RBFOX3: variants seen among roughly 807,000 people sequenced by gnomAD.
The protein encoded by RBFOX3 is RNA binding protein fox-1 homolog 3.
In RBFOX3, 17 loss-of-function variants were observed where a neutral mutation model predicts 48.7. That is an observed-to-expected ratio of 0.35 (90% confidence interval 0.24 to 0.52). RBFOX3 has a LOEUF of 0.52. Among genes scored for constraint, RBFOX3 ranks in the 20% least tolerant of loss-of-function variants. RBFOX3 has a pLI of 0.94. For synonymous variants in RBFOX3, 212 were observed against 209.5 expected, an observed-to-expected ratio of 1.01 and a Z score of -0.10; for missense variants, 382 against 497.5, an observed-to-expected ratio of 0.77 and a Z score of 2.21.
chr17:79,412,335 A>T (rs2064520424), intron 2 of RBFOX3, among the ~76,000 whole-genome samples: 1 of 151,508 alleles, frequency 6.6e-6, no homozygotes, highest in African/African-American at 2.4e-5. Context: ...TGTGGTGTGT[A>T]TGCACATGTT....
the RBFOX3 span, among the ~76,000 whole-genome samples, chr17:79,637,797 G>A: frequency 3.6e-3 from 19 of 5,208 alleles, no homozygotes; most frequent in Non-Finnish European, 0.022. Flanking sequence ...GGAAGAGAAG[G>A]GAAGGGAAGG....
intron 1 of RBFOX3, among the ~76,000 whole-genome samples, chr17:79,497,473 G>A (rs1048801318): frequency 1.3e-5 from 2 of 152,168 alleles, no homozygotes; most frequent in African/African-American, 4.8e-5. Flanking sequence ...TCAATGTAAT[G>A]ATAAGGAAAG....
intron 4 of RBFOX3, among the ~76,000 whole-genome samples, chr17:79,193,264 T>G (rs1225375421): frequency 6.6e-6 from 1 of 152,020 alleles, no homozygotes; most frequent in Non-Finnish European, 1.5e-5. Context: ...GGCTTGTAAA[T>G]TACCTCCCAG....
intron 2 of RBFOX3, among the ~76,000 whole-genome samples, chr17:79,465,972 C>T (rs139342401): frequency 2.0e-5 from 3 of 152,234 alleles, no homozygotes; most frequent in African/African-American, 7.2e-5. Flanking sequence ...GGCATCCCCA[C>T]GGCCCCCAGG....
chr17:79,519,778 C>T (rs1343464059), intron 1 of RBFOX3, among the ~76,000 whole-genome samples: 2 of 152,124 alleles, frequency 1.3e-5, no homozygotes, highest in Non-Finnish European at 2.9e-5. Flanking sequence ...ATGACTGAGA[C>T]CCAGTAAAAC....
intron 1 of RBFOX3, among the ~76,000 whole-genome samples, chr17:79,586,575 G>A (rs1261265534): frequency 2.0e-5 from 3 of 152,250 alleles, no homozygotes; most frequent in Non-Finnish European, 2.9e-5. Flanking sequence ...CCGCTTCCCA[G>A]GATTAGCTAG....
chr17:79,275,420 G>A (rs1287054200), intron 3 of RBFOX3, among the ~76,000 whole-genome samples: 3 of 152,104 alleles, frequency 2.0e-5, no homozygotes, highest in Admixed American at 6.5e-5. Flanking sequence ...GAGCACTCAC[G>A]TGATCATGAT....
intron 4 of RBFOX3, among the ~76,000 whole-genome samples, chr17:79,176,974 G>A (rs1421465969): frequency 6.6e-6 from 1 of 152,280 alleles, no homozygotes; most frequent in African/African-American, 2.4e-5. Flanking sequence ...TCTCCTTCAC[G>A]GAGGTCCCAG....
At chr17:79,406,384 G>A (rs1039424727) in intron 2 of RBFOX3, among the ~76,000 whole-genome samples, 35 of 152,088 alleles carry the variant, frequency 2.3e-4, no homozygotes, top group African/African-American at 7.7e-4. Context: ...CAGTCTCCAC[G>A]TCTCAGGACT....
At chr17:79,159,479 C>T (rs1047662357) in intron 4 of RBFOX3, among the ~76,000 whole-genome samples, 1 of 152,194 alleles carries the variant, frequency 6.6e-6, no homozygotes, top group African/African-American at 2.4e-5. Flanking sequence ...GGCTGGACTC[C>T]ACACGCATCT....
chr17:79,483,014 C>G (rs980986013), intron 1 of RBFOX3, among the ~76,000 whole-genome samples: 1 of 151,934 alleles, frequency 6.6e-6, no homozygotes, highest in East Asian at 1.9e-4. Context: ...CACCACTGTC[C>G]GCACTCTCCC....
chr17:79,497,448 G>GA (rs35876865), intron 1 of RBFOX3, among the ~76,000 whole-genome samples: 2 of 152,016 alleles, frequency 1.3e-5, no homozygotes, highest in Non-Finnish European at 2.9e-5. Flanking sequence ...ATACGTTTGG[G>GA]AAAAAAAGCA....
intron 2 of RBFOX3, among the ~76,000 whole-genome samples, chr17:79,447,615 C>T (rs2072600855): frequency 6.6e-6 from 1 of 152,190 alleles, no homozygotes; most frequent in Admixed American, 6.5e-5. Flanking sequence ...AAGACTGTGC[C>T]CAAGCCTGGG....
chr17:79,247,467 A>G (rs1600210748), intron 3 of RBFOX3, among the ~76,000 whole-genome samples: 1 of 152,010 alleles, frequency 6.6e-6, no homozygotes, highest in African/African-American at 2.4e-5. Flanking sequence ...TGTGCACACC[A>G]AGCCTGGGTA....
At chr17:79,504,574 A>C (rs1211471743) in intron 1 of RBFOX3, among the ~76,000 whole-genome samples, 1 of 152,182 alleles carries the variant, frequency 6.6e-6, no homozygotes, top group African/African-American at 2.4e-5. Flanking sequence ...CTGGGGCTGC[A>C]GCAACTCTCT....
intron 4 of RBFOX3, among the ~76,000 whole-genome samples, chr17:79,173,397 T>G (rs1328681556): frequency 2.0e-5 from 3 of 152,194 alleles, no homozygotes; most frequent in African/African-American, 7.2e-5. Flanking sequence ...GCTAAAGGCA[T>G]TAACACTGGA....
chr17:79,272,108 G>A (rs1399256688), intron 3 of RBFOX3, among the ~76,000 whole-genome samples: 1 of 152,228 alleles, frequency 6.6e-6, no homozygotes. Context: ...GCGAGGGGGA[G>A]GGTGGTTAAC....
At chr17:79,121,435 G>A (rs1784787830) in intron 4 of RBFOX3, among the ~76,000 whole-genome samples, 1 of 152,084 alleles carries the variant, frequency 6.6e-6, no homozygotes, top group Non-Finnish European at 1.5e-5. Context: ...TCCCAAATGA[G>A]TTGTCTATAC....
At chr17:79,232,780 G>C (rs1699136056) in intron 4 of RBFOX3, among the ~76,000 whole-genome samples, 1 of 152,122 alleles carries the variant, frequency 6.6e-6, no homozygotes, top group South Asian at 2.1e-4. Flanking sequence ...AACATCATTA[G>C]TCACTAGGGA....
Sources: allele counts gnomAD v4.1 joint callset (sites outside exome capture counted in the v4.1 genomes callset), GRCh38; gene constraint gnomAD v4.1.1; transcripts MANE v1.5; gene names NCBI Gene and HGNC (gene_info 2026-07-23, HGNC 2026-07-21).